The following SNED1 variants were observed in gnomAD, a reference collection of about 807,000 sequenced individuals.
SNED1 encodes sushi, nidogen and EGF-like domain-containing protein 1.
SNED1 carries 81 observed loss-of-function variants against 166.7 expected under a neutral mutation model. That is an observed-to-expected ratio of 0.49 (90% CI 0.41 to 0.58). The LOEUF (loss-of-function observed/expected upper bound fraction) is 0.58. Ranked by LOEUF, SNED1 falls within the 20% of genes least tolerant of loss-of-function variation. SNED1 has a pLI of 0.00. For missense variants in SNED1, 1,604 were observed against 2,000.2 expected, an observed-to-expected ratio of 0.80 and a Z score of 3.78; for synonymous variants, 762 against 822.0, an observed-to-expected ratio of 0.93 and a Z score of 1.25.
intron 28 of SNED1, 38 bp downstream of exon 28, chr2:241,081,831 A>G (rs1290022325): frequency 1.4e-6 from 2 of 1,442,096 alleles, no homozygotes; most frequent in Admixed American, 3.9e-5. Context: ...CCCTTCCAAC[A>G]CAGCCTGTGC....
chr2:241,073,559 A>G lies in SNED1; in HGVS notation c.3916+195A>G. On this transcript the variant is annotated intron_variant, in intron 27 of 31. Coordinates refer to ENST00000310397, the MANE Select transcript of SNED1 (RefSeq NM_001080437.3). The surrounding 1 kb of genome is among the most constrained non-coding windows in gnomAD (Gnocchi z 6.6). ...CACCACCCAAGCAGTGGGACCCCACAGACGGGAACAGGCCAGGGGGCAGGA... is the reference window on the plus strand; with the variant it reads ...CACCACCCAAGCAGTGGGACCCCACGGACGGGAACAGGCCAGGGGGCAGGA... 1 of 629,782 alleles carries G rather than the reference A, an allele frequency of 1.6e-6. No individual in the cohort carries two copies. The highest frequency in any genetic ancestry group is 2.9e-6 in the Non-Finnish European group (1 of 344,944). The allele number at this position is 629,782 out of a possible 1,614,324, so 39.0% of individuals were successfully genotyped here.
At chr2:241,037,437 A>G in intron 6 of SNED1, 84 bp downstream of exon 6, 1 of 950,654 alleles carries the variant, frequency 1.1e-6, no homozygotes, top group African/African-American at 1.6e-5. Flanking sequence ...GAGGTCTTGG[A>G]AGGTCCAGCA....
rs2061725728 is a variant in SNED1, at chr2:241,048,383, G to A, written c.1342G>A (p.Asp448Asn). The A allele has an allele frequency of 6.2e-7, 1 of 1,611,920 alleles. No individual in the cohort carries two copies. The change falls in exon 9 of 32, where the codon GAC becomes AAC. Residue 448 changes from aspartate (D) to asparagine (N), a missense_variant. Asp to Asn is a conservative substitution (Grantham distance 23). This residue lies in a region of SNED1 where 1,237 missense variants were observed against 1,620.8 expected (regional missense o/e 0.76). Coordinates refer to ENST00000310397, the MANE Select transcript of SNED1 (RefSeq NM_001080437.3). ...CAATGGGGGCACCTGTGTGGATGCG[G>A]ACCAGGGCTACGTGTGCGAGTGCCC... ...CHNGGTCVDA[D>N]QGYVCECPEG...
At chr2:241,019,363 G>A (rs1384078846) in intron 1 of SNED1, among the ~76,000 whole-genome samples, 1 of 152,250 alleles carries the variant, frequency 6.6e-6, no homozygotes, top group Non-Finnish European at 1.5e-5. Context: ...GACAAAGGGA[G>A]CATCACTGTC....
intron 1 of SNED1, among the ~76,000 whole-genome samples, chr2:241,000,325 C>T (rs1052102772): frequency 8.5e-5 from 13 of 152,236 alleles, no homozygotes; most frequent in African/African-American, 2.9e-4. Context: ...CTCCCCACCT[C>T]GGTGGCAGCA....
chr2:241,071,701 A>AACC lies in SNED1; in HGVS notation c.3715_3716insACC (p.Thr1239delinsAsnPro). 3.1e-6 allele frequency: 4 copies of AACC among 1,281,728 alleles called. No homozygotes were observed. The highest frequency in any genetic ancestry group is 4.3e-6 in the Non-Finnish European group (4 of 928,588). 79.4% of individuals were successfully genotyped at this position (1,281,728 alleles called of 1,614,324 possible). Reference sequence around the variant, plus strand: ...GCTCAATGACCACAGCGCCCCCGAGACCCCCACCCAGCCCCCCAGGTACAT... The same window carrying AACC: ...GCTCAATGACCACAGCGCCCCCGAGAACCCCCCCACCCAGCCCCCCAGGTACAT... On this transcript the variant is annotated protein_altering_variant, in exon 25 of 32. Coordinates refer to ENST00000310397, the MANE Select transcript of SNED1 (RefSeq NM_001080437.3).
chr2:241,008,909 G>C (rs1437200999), intron 1 of SNED1, among the ~76,000 whole-genome samples: 1 of 152,242 alleles, frequency 6.6e-6, no homozygotes, highest in African/African-American at 2.4e-5. Context: ...AGCTTGTCAA[G>C]GGTCAGGCAC....
At chr2:241,017,754 C>T (rs1301773279) in intron 1 of SNED1, among the ~76,000 whole-genome samples, 3 of 152,244 alleles carry the variant, frequency 2.0e-5, no homozygotes, top group African/African-American at 7.2e-5. Flanking sequence ...GGGACCTCAA[C>T]CATGACCCTC....
At chr2:241,057,410 T>TGC (rs1398869272) in intron 16 of SNED1, among the ~76,000 whole-genome samples, 2 of 123,902 alleles carry the variant, frequency 1.6e-5, no homozygotes, top group African/African-American at 6.1e-5. Context: ...TATATATATA[T>TGC]ATGCCATACG....
At position 241,069,197 on chromosome 2, in the gene SNED1, T is replaced by C. The variant is rs1215144629; in HGVS notation, c.3307+174T>C. ...CTGGGCAGGAGCCGCTGGGCTGGGCTGGGCCCTTGTGCTGGGACAGCTGTC... is the reference window on the plus strand; with the variant it reads ...CTGGGCAGGAGCCGCTGGGCTGGGCCGGGCCCTTGTGCTGGGACAGCTGTC... On this transcript the variant is annotated intron_variant, in intron 23 of 31. Transcript: ENST00000310397. This position sits in a 1 kb window ranked among gnomAD's most constrained non-coding sequence, Gnocchi z 4.9. 6.6e-6 allele frequency among the ~76,000 whole-genome samples: 1 copy of C among 152,186 alleles called. No individual in the cohort carries two copies. The highest frequency in any genetic ancestry group is 2.4e-5 in the African/African-American group (1 of 41,444).
chr2:241,013,350 G>C lies in SNED1; in HGVS notation c.213+14300G>C, dbSNP rs981091705. ...GAGACAGGGTCTCACTCTGTCACCA[G>C]GCTGGAGTGCAGTGGCCTGAGCCTA... is the stretch of plus-strand genomic sequence containing the variant. On this transcript the variant is annotated intron_variant, in intron 1 of 31. Transcript: ENST00000310397. The surrounding 1 kb of genome is among the most constrained non-coding windows in gnomAD (Gnocchi z 4.6). Among the ~76,000 whole-genome samples the C allele has an allele frequency of 6.6e-6, 1 of 152,012 alleles. No individual in the cohort carries two copies. Among genetic ancestry groups the C allele is most frequent in the Non-Finnish European group, 1.5e-5 (1 of 68,018 alleles).
intron 31 of SNED1, chr2:241,090,511 A>C: frequency 6.8e-7 from 1 of 1,476,078 alleles, no homozygotes; most frequent in Non-Finnish European, 9.0e-7. Context: ...ATTATCATCA[A>C]GTATTATGTA....
intron 1 of SNED1, among the ~76,000 whole-genome samples, chr2:241,026,840 A>G (rs367817335): frequency 2.6e-5 from 4 of 152,214 alleles, no homozygotes; most frequent in South Asian, 4.1e-4. Flanking sequence ...ACCACCATCC[A>G]CCCACAGAAT....
At chr2:241,014,620 C>T (rs190113809) in intron 1 of SNED1, among the ~76,000 whole-genome samples, 6 of 152,266 alleles carry the variant, frequency 3.9e-5, no homozygotes, top group Admixed American at 1.3e-4. Flanking sequence ...TCTTCTTTCT[C>T]GCCGATTCGT....
At chr2:241,067,721 G>A (rs1221936562) in intron 21 of SNED1, 43 bp from the exon 22 acceptor site, 2 of 1,548,104 alleles carry the variant, frequency 1.3e-6, no homozygotes, top group South Asian at 1.2e-5. Context: ...TCCCCCAGGA[G>A]CAAGGAGGGG....
At chr2:241,009,577 T>G (rs757369540) in intron 1 of SNED1, among the ~76,000 whole-genome samples, 19 of 152,020 alleles carry the variant, frequency 1.2e-4, no homozygotes, top group Admixed American at 5.2e-4. Context: ...CATGGCCCCA[T>G]GGGGACAGGG....
chr2:241,009,074 G>A (rs1039903788), intron 1 of SNED1, among the ~76,000 whole-genome samples: 2 of 152,230 alleles, frequency 1.3e-5, no homozygotes, highest in African/African-American at 2.4e-5. Flanking sequence ...AAGGAGTGAC[G>A]GGGGTGCCCA....
chr2:241,075,960 A>G lies in SNED1; in HGVS notation c.3916+2596A>G, dbSNP rs894506674. On this transcript the variant is annotated intron_variant, in intron 27 of 31. Coordinates refer to ENST00000310397, the MANE Select transcript of SNED1 (RefSeq NM_001080437.3). This position sits in a 1 kb window ranked among gnomAD's most constrained non-coding sequence, Gnocchi z 4.8. The stretch of plus-strand genomic sequence containing the variant: ...AAAAGTCCCTTTTTCCCCCACTGTC[A>G]GTATCAAAATTCCACATATAAAAGT... Among the ~76,000 whole-genome samples, 2 of 152,188 alleles carry G rather than the reference A, an allele frequency of 1.3e-5. No homozygotes were observed. The highest frequency in any genetic ancestry group is 2.9e-5 in the Non-Finnish European group (2 of 68,038).
In SNED1 at chr2:241,073,324, G is replaced by A; in HGVS notation, c.3876G>A (p.Leu1292=). 6.4e-7 allele frequency: 1 copy of A among 1,574,484 alleles called. No homozygotes were observed. The highest frequency in any genetic ancestry group is 8.6e-7 in the Non-Finnish European group (1 of 1,161,248). The change falls in exon 27 of 32, where the codon CTG becomes CTA. Residue 1292 remains leucine (L), a synonymous_variant. Transcript: ENST00000310397. The surrounding 1 kb of genome is among the most constrained non-coding windows in gnomAD (Gnocchi z 6.6). The part of the protein sequence containing the change: ...NMEEAPKRVS[L]ALQLPEHGSK... ...AGGAAGCCCCCAAGCGGGTCAGCCT[G>A]GCCCTCCAGCTCCCTGAACACGGCA... is the stretch of plus-strand genomic sequence containing the variant.
Sources: gnomAD v4.1 joint callset for allele counts (sites outside exome capture counted in the v4.1 genomes callset) on GRCh38, gnomAD v4.1.1 for gene constraint, gnomAD v4.1.1 regional missense constraint, Gnocchi (gnomAD v3.1) non-coding constraint, MANE v1.5 for transcripts, NCBI Gene and HGNC (gene_info 2026-07-23, HGNC 2026-07-21) for gene names.